The following METTL2B variants were observed in gnomAD, a reference collection of about 807,000 sequenced individuals.
The protein encoded by METTL2B is tRNA N(3)-cytidine methyltransferase METTL2B.
Under a neutral mutation model 51.0 loss-of-function variants are expected in METTL2B, and 28 were observed. The observed-to-expected ratio is 0.55, with a 90% CI of 0.41 to 0.75. The LOEUF is 0.75. METTL2B is among the 30% of genes least tolerant of loss of function. The pLI is 0.00. For missense variants in METTL2B, 313 were observed against 460.7 expected, an observed-to-expected ratio of 0.68 and a Z score of 2.93; for synonymous variants, 128 against 166.3, an observed-to-expected ratio of 0.77 and a Z score of 1.77.
intron 4 of METTL2B, among the ~76,000 whole-genome samples, chr7:128,486,272 G>A (rs150758141): frequency 1.9e-4 from 29 of 151,376 alleles, no homozygotes; most frequent in African/African-American, 6.8e-4. Flanking sequence ...CAGCCTGGGT[G>A]ACAAAAGCAA....
intron 2 of METTL2B, 138 bp from the exon 3 acceptor site, chr7:128,479,020 T>C: frequency 1.1e-6 from 1 of 932,312 alleles, no homozygotes; most frequent in Non-Finnish European, 1.6e-6. Context: ...CAGAAATGCC[T>C]TCAGTTCTGG....
chr7:128,503,358 G>A lies in METTL2B; in HGVS notation c.*1442G>A, dbSNP rs1793066036. 1.3e-5 allele frequency: 2 copies of A among 151,666 alleles called. No homozygotes were observed. The highest frequency in any genetic ancestry group is 4.2e-4 in the South Asian group (2 of 4,814). The allele number at this position is 151,666 out of a possible 1,614,324, so 9.4% of individuals were successfully genotyped here. A position where few individuals can be genotyped will look rare whatever the true frequency, so the allele number is the denominator to read the frequency against. Reference sequence around the variant, plus strand: ...GCACCCTTAAGTGTTTGACACAAAAGGAATTGAGAGAACTTCTTAATTTTA... The same window carrying A: ...GCACCCTTAAGTGTTTGACACAAAAAGAATTGAGAGAACTTCTTAATTTTA... On this transcript the variant is annotated 3_prime_UTR_variant, in exon 9 of 9. Transcript: ENST00000262432.
chr7:128,496,842 A>G (rs1326548150), intron 6 of METTL2B, among the ~76,000 whole-genome samples: 4 of 151,840 alleles, frequency 2.6e-5, no homozygotes, highest in South Asian at 2.1e-4. Flanking sequence ...AGTGTGTGCT[A>G]TGGTCTTGGC....
chr7:128,483,716 A>G (rs1475011991), intron 4 of METTL2B, among the ~76,000 whole-genome samples: 1 of 150,652 alleles, frequency 6.6e-6, no homozygotes, highest in Non-Finnish European at 1.5e-5. Flanking sequence ...TAATTTTTGT[A>G]TTATTGATTG....
intron 4 of METTL2B, chr7:128,484,232 T>TTTTTGTTTTTTTTTTTTTGTTGTTTG (rs1554428847): frequency 8.4e-5 from 7 of 83,572 alleles, no homozygotes; most frequent in African/African-American, 3.5e-4. Context: ...TTTTTTTTTT[T>TTTTTGTTTTTTTTTTTTTGTTGTTTG]TTTTTTTTTT....
At chr7:128,491,763 A>G (rs1480567412) in intron 5 of METTL2B, among the ~76,000 whole-genome samples, 2 of 105,716 alleles carry the variant, frequency 1.9e-5, no homozygotes, top group African/African-American at 5.4e-5. Flanking sequence ...CTCTGTCTCA[A>G]AAAAAAAAAA....
In METTL2B at chr7:128,489,875, G is replaced by A. The variant is rs540744836; in HGVS notation, c.669+1714G>A. 2.6e-4 allele frequency among the ~76,000 whole-genome samples: 40 copies of A among 151,964 alleles called. No individual in the cohort carries two copies. In the South Asian group the frequency reaches 5.4e-3, roughly 21 times the overall value. On this transcript the variant is annotated intron_variant, in intron 5 of 8. Transcript: ENST00000262432. ...GATCTCCTGACCTCGTGATCCGCCC[G>A]CCTCGGCCTCCCAAAGTGCTGGGAT...
intron 4 of METTL2B, among the ~76,000 whole-genome samples, chr7:128,484,379 C>T (rs912995499): frequency 2.0e-5 from 3 of 151,460 alleles, no homozygotes; most frequent in Admixed American, 1.3e-4. Flanking sequence ...CGTGTGCCAC[C>T]ACCCCTGCTA....
intron 5 of METTL2B, 95 bp downstream of exon 5, chr7:128,488,256 G>A (rs2543420): frequency 2.1e-6 from 3 of 1,421,562 alleles, no homozygotes; most frequent in African/African-American, 2.8e-5. Context: ...GTTCTTATAC[G>A]GTCTGTGTTC....
intron 7 of METTL2B, among the ~76,000 whole-genome samples, chr7:128,500,232 T>G (rs964559031): frequency 6.6e-6 from 1 of 152,226 alleles, no homozygotes; most frequent in African/African-American, 2.4e-5. Context: ...TTTATGATTC[T>G]GTAGACACGT....
chr7:128,501,981 G>T lies in METTL2B; in HGVS notation c.*65G>T, dbSNP rs1793038822. ...TCCGAGCTTTTTTAAAAAAAAATTT[G>T]TAGCACCGGGCATGGTGCATGCCTG... On this transcript the variant is annotated 3_prime_UTR_variant, in exon 9 of 9. Coordinates refer to ENST00000262432, the MANE Select transcript of METTL2B (RefSeq NM_018396.3). 5.0e-6 allele frequency: 8 copies of T among 1,598,422 alleles called. No individual in the cohort carries two copies. The highest frequency in any genetic ancestry group is 6.8e-6 in the Non-Finnish European group (8 of 1,170,584).
intron 4 of METTL2B, among the ~76,000 whole-genome samples, chr7:128,483,728 T>C (rs996146720): frequency 1.1e-4 from 16 of 151,386 alleles, no homozygotes; most frequent in African/African-American, 3.9e-4. Context: ...TATTGATTGA[T>C]TGATTGGTTG....
intron 4 of METTL2B, among the ~76,000 whole-genome samples, chr7:128,486,114 C>G (rs1231655588): frequency 6.6e-6 from 1 of 151,464 alleles, no homozygotes; most frequent in Non-Finnish European, 1.5e-5. Flanking sequence ...GCCAACATGG[C>G]GAAACCCCAT....
intron 6 of METTL2B, among the ~76,000 whole-genome samples, chr7:128,495,121 C>T (rs1792901528): frequency 6.6e-6 from 1 of 151,816 alleles, no homozygotes; most frequent in Non-Finnish European, 1.5e-5. Context: ...TGGTGTTTCA[C>T]CATGTTGGCC....
rs760221605 is a variant in METTL2B at position 128,498,094 on chromosome 7, C to G, written c.868C>G (p.Leu290Val). 19 of 1,613,966 alleles carry G rather than the reference C, an allele frequency of 1.2e-5. No individual in the cohort carries two copies. Among genetic ancestry groups the G allele is most frequent in the Middle Eastern group, 1.6e-4 (1 of 6,062 alleles). Reference protein sequence around the residue: ...RLLKPGGMVLLRDYGRYDMAQ... With the variant: ...RLLKPGGMVLVRDYGRYDMAQ... ...TCTGAAACCTGGGGGGATGGTACTT[C>G]TGCGAGATTACGGCCGCTATGACAT... Residue 290 changes from leucine to valine, a missense_variant, in exon 7 of 9, where the codon CTG becomes GTG. Physicochemically the swap from Leu to Val is conservative, Grantham distance 32. Transcript: ENST00000262432.
chr7:128,482,638 A>G (rs768565448), intron 4 of METTL2B, among the ~76,000 whole-genome samples: 73 of 152,316 alleles, frequency 4.8e-4, no homozygotes, highest in African/African-American at 1.7e-3. Flanking sequence ...GGTTCAAGCG[A>G]TTCTCCTGCC....
chr7:128,501,108 T>C, intron 8 of METTL2B, 140 bp downstream of exon 8: 1 of 1,523,068 alleles, frequency 6.6e-7, no homozygotes, highest in Non-Finnish European at 8.8e-7. Flanking sequence ...CACACCCTCT[T>C]CCACCCTGGG....
chr7:128,486,829 G>T (rs1205231750), intron 4 of METTL2B, among the ~76,000 whole-genome samples: 1 of 152,182 alleles, frequency 6.6e-6, no homozygotes, highest in East Asian at 1.9e-4. Context: ...AGGGGCTGAG[G>T]TAGGAGGATC....
At chr7:128,482,078 T>A (rs1382181509) in intron 4 of METTL2B, among the ~76,000 whole-genome samples, 5 of 152,196 alleles carry the variant, frequency 3.3e-5, no homozygotes, top group Non-Finnish European at 7.3e-5. Flanking sequence ...AAAGTTCCAA[T>A]CAGTTTGCCC....
Sources: allele counts gnomAD v4.1 joint callset (sites outside exome capture counted in the v4.1 genomes callset), GRCh38; gene constraint gnomAD v4.1.1; transcripts MANE v1.5; gene names NCBI Gene and HGNC (gene_info 2026-07-23, HGNC 2026-07-21).